The following KIAA1549 variants were observed in gnomAD, a reference collection of about 807,000 sequenced individuals.
KIAA1549 encodes UPF0606 protein KIAA1549.
Under a neutral mutation model 156.4 loss-of-function variants are expected in KIAA1549, and 70 were observed. That is an observed-to-expected ratio of 0.45 (90% CI 0.37 to 0.55). The LOEUF (loss-of-function observed/expected upper bound fraction) is 0.55, where lower values mean the gene tolerates loss of function less well. KIAA1549 is among the 20% of genes least tolerant of loss of function. The pLI, the probability that KIAA1549 is intolerant of heterozygous loss-of-function variation, is 0.00. For missense variants in KIAA1549, 2,428 were observed against 2,540.9 expected (o/e 0.96, Z 0.96); for synonymous variants, 1,103 against 1,066.4 (o/e 1.03, Z -0.67).
chr7:138,936,940 T>G (rs1813031170), intron 1 of KIAA1549, among the ~76,000 whole-genome samples: 1 of 152,164 alleles, frequency 6.6e-6, no homozygotes, highest in African/African-American at 2.4e-5. Context: ...TGGAGTTTTC[T>G]AACGTGCAGA....
At chr7:138,912,194 C>T (rs75052470) in intron 3 of KIAA1549, among the ~76,000 whole-genome samples, 178 bp downstream of exon 3, 220 of 152,278 alleles carry the variant, frequency 1.4e-3, no homozygotes, top group African/African-American at 5.1e-3. Context: ...AAGACCTCCT[C>T]GATGCAGTGA....
chr7:138,947,657 C>A (rs1284501468), intron 1 of KIAA1549, among the ~76,000 whole-genome samples: 1 of 152,204 alleles, frequency 6.6e-6, no homozygotes, highest in African/African-American at 2.4e-5. Context: ...TTGCTAACAT[C>A]TGAAGGCAAA....
intron 1 of KIAA1549, among the ~76,000 whole-genome samples, chr7:138,965,921 C>T (rs1489882848): frequency 6.6e-6 from 1 of 152,204 alleles, no homozygotes; most frequent in Non-Finnish European, 1.5e-5. Flanking sequence ...ACCTGAGTGC[C>T]TGCTGCCTCC....
At position 138,844,347 on chromosome 7, in the gene KIAA1549, C is replaced by A. The variant is rs768725571; in HGVS notation, c.5422G>T (p.Ala1808Ser). The part of the protein sequence containing the change: ...GIYSEEMPSV[A>S]RPRPVGGTTG... Reference sequence around the variant, plus strand: ...GTACCCCCGACAGGCCGAGGCCGGGCCACCGACGGCATCTCCTCCGAGTAG... The same window carrying A: ...GTACCCCCGACAGGCCGAGGCCGGGACACCGACGGCATCTCCTCCGAGTAG... Residue 1808 changes from alanine (A) to serine (S), a missense_variant, in exon 18 of 20, where the codon GCC becomes TCC. Around this residue, in one of 5 missense-constraint regions of KIAA1549, gnomAD observed 363 missense variants for 354.0 expected, o/e 1.03. Coordinates refer to ENST00000422774, the MANE Select transcript of KIAA1549 (RefSeq NM_001164665.2). 2.5e-6 allele frequency: 4 copies of A among 1,613,780 alleles called. No individual in the cohort carries two copies. The highest frequency in any genetic ancestry group is 3.4e-6 in the Non-Finnish European group (4 of 1,179,864).
chr7:138,856,825 T>C (rs1810407601), intron 16 of KIAA1549, among the ~76,000 whole-genome samples: 3 of 152,210 alleles, frequency 2.0e-5, no homozygotes, highest in Admixed American at 1.3e-4. Flanking sequence ...GGTTAAACAT[T>C]ATTTCTGGGT....
intron 15 of KIAA1549, 91 bp downstream of exon 15, chr7:138,867,884 A>C (rs1311892950): frequency 1.5e-6 from 2 of 1,375,056 alleles, no homozygotes; most frequent in East Asian, 2.4e-5. Flanking sequence ...ACAGGGCGGC[A>C]GCCAGTGCTG....
At chr7:138,974,525 C>T (rs1814314850) in intron 1 of KIAA1549, among the ~76,000 whole-genome samples, 2 of 151,998 alleles carry the variant, frequency 1.3e-5, no homozygotes, top group South Asian at 2.1e-4. Flanking sequence ...CTTTGCCTCC[C>T]GGGTTCAAGC....
In KIAA1549 at chr7:138,918,406, T is replaced by C. The variant is rs375361081; in HGVS notation, c.1220A>G (p.His407Arg). 111 of 1,613,888 alleles carry C rather than the reference T, an allele frequency of 6.9e-5. No homozygotes were observed. Among genetic ancestry groups the C allele is most frequent in the African/African-American group, 4.4e-4 (33 of 75,000 alleles). ...GAATGAGGACACCGGGCTCAGGATATGAGTGTTGTCCACAGGACCGGGGAG... is the reference window on the plus strand; with the variant it reads ...GAATGAGGACACCGGGCTCAGGATACGAGTGTTGTCCACAGGACCGGGGAG... Reference protein sequence around the residue: ...SALPGPVDNTHILSPVSSFRP... With the variant: ...SALPGPVDNTRILSPVSSFRP... Residue 407 changes from histidine (H) to arginine (R), a missense_variant, in exon 2 of 20, where the codon CAT (histidine) becomes CGT (arginine). His to Arg is a conservative substitution (Grantham distance 29, BLOSUM62 0). Transcript: ENST00000422774. The surrounding 1 kb of genome is among the most constrained non-coding windows in gnomAD (Gnocchi z 4.2).
chr7:138,839,774 A>ATTTTTTTT (rs1809851374), intron 19 of KIAA1549, among the ~76,000 whole-genome samples: 1 of 98,952 alleles, frequency 1.0e-5, no homozygotes, highest in African/African-American at 3.7e-5. Context: ...TTGAGGGATT[A>ATTTTTTTT]TGTCTTTTTT....
At chr7:138,947,457 G>A (rs547840449) in intron 1 of KIAA1549, among the ~76,000 whole-genome samples, 2 of 152,098 alleles carry the variant, frequency 1.3e-5, no homozygotes, top group South Asian at 2.1e-4. Context: ...CAGCCCAGGG[G>A]GTAGTCTCAC....
chr7:138,845,749 C>T (rs1464497601), intron 17 of KIAA1549, among the ~76,000 whole-genome samples: 1 of 152,184 alleles, frequency 6.6e-6, no homozygotes, highest in Non-Finnish European at 1.5e-5. Context: ...AGGAAGTTGT[C>T]AAGTTCACAG....
rs1452252826 is a variant in KIAA1549, at chr7:138,861,179, G to A, written c.5207C>T (p.Ser1736Phe). 2 of 1,613,878 alleles carry A rather than the reference G, an allele frequency of 1.2e-6. No homozygotes were observed. Among genetic ancestry groups the A allele is most frequent in the East Asian group, 4.5e-5 (2 of 44,860 alleles). Residue 1736 changes from serine (S) to phenylalanine (F), a missense_variant, in exon 16 of 20, where the codon TCC (serine) becomes TTC (phenylalanine). By Grantham distance (155) the Ser-to-Phe change is radical. This residue lies in a region of KIAA1549 where 363 missense variants were observed against 354.0 expected (regional missense o/e 1.03). Coordinates refer to ENST00000422774, the MANE Select transcript of KIAA1549 (RefSeq NM_001164665.2). ...GGCCGTCTGGGCTGGGCTGTAGAAG[G>A]ACCCCCACTGGGTGGCTCGCCTCTC... ...QEERRATQWG[S>F]FYSPAQTANN...
intron 15 of KIAA1549, among the ~76,000 whole-genome samples, chr7:138,864,541 T>G (rs1810678888): frequency 1.3e-5 from 2 of 152,232 alleles, no homozygotes; most frequent in Non-Finnish European, 2.9e-5. Flanking sequence ...CCATCTATAT[T>G]TAGACTATAG....
At chr7:138,893,242 A>G (rs1273171268) in intron 10 of KIAA1549, among the ~76,000 whole-genome samples, 2 of 152,244 alleles carry the variant, frequency 1.3e-5, no homozygotes, top group Admixed American at 6.5e-5. Context: ...GGTTACTTAA[A>G]AAATCTGCTG....
chr7:138,976,169 C>G (rs757606107), intron 1 of KIAA1549, among the ~76,000 whole-genome samples: 1 of 152,104 alleles, frequency 6.6e-6, no homozygotes, highest in Non-Finnish European at 1.5e-5. Flanking sequence ...CTCTGCCTCC[C>G]GGGTTCAAGC....
chr7:138,898,741 T>C (rs1349343309), intron 9 of KIAA1549, among the ~76,000 whole-genome samples: 4 of 152,138 alleles, frequency 2.6e-5, no homozygotes, highest in Non-Finnish European at 5.9e-5. Flanking sequence ...ACCTACAAAA[T>C]GCTAGGTAGA....
chr7:138,912,280 T>C, intron 3 of KIAA1549, 92 bp downstream of exon 3: 1 of 869,560 alleles, frequency 1.2e-6, no homozygotes, highest in Non-Finnish European at 1.9e-6. Flanking sequence ...AATAGAATGA[T>C]TCCATGGCCA....
intron 15 of KIAA1549, among the ~76,000 whole-genome samples, chr7:138,867,274 C>T (rs1810773780): frequency 6.6e-6 from 1 of 152,128 alleles, no homozygotes; most frequent in Non-Finnish European, 1.5e-5. Context: ...GACTCTTGAT[C>T]ACAGGGTCAT....
At chr7:138,859,532 ATC>A (rs1810493963) in intron 16 of KIAA1549, among the ~76,000 whole-genome samples, 1 of 152,174 alleles carries the variant, frequency 6.6e-6, no homozygotes, top group Middle Eastern at 3.4e-3. Context: ...TGCTCAGGGT[ATC>A]TCTCTGCTCT....
Sources: gnomAD v4.1 joint callset for allele counts (sites outside exome capture counted in the v4.1 genomes callset) on GRCh38, gnomAD v4.1.1 for gene constraint, gnomAD v4.1.1 regional missense constraint, Gnocchi (gnomAD v3.1) non-coding constraint, MANE v1.5 for transcripts, NCBI Gene and HGNC (gene_info 2026-07-23, HGNC 2026-07-21) for gene names.